Variants in VPS13D observed in about 807,000 individuals in gnomAD.
VPS13D encodes the protein vacuolar protein sorting 13 homolog D.
VPS13D carries 187 observed loss-of-function variants against 461.9 expected under a neutral mutation model. That is an observed-to-expected ratio of 0.40 (90% confidence interval 0.36 to 0.46). VPS13D has a LOEUF of 0.46. Ranked by LOEUF, VPS13D falls within the 20% of genes least tolerant of loss-of-function variation. VPS13D has a pLI of 0.60. For missense variants in VPS13D, 4,711 were observed against 5,364.9 expected, an observed-to-expected ratio of 0.88 and a Z score of 3.81; for synonymous variants, 1,951 against 1,986.3, an observed-to-expected ratio of 0.98 and a Z score of 0.47.
At chr1:12,478,625 TTTC>T in intron 67 of VPS13D, 1 of 358,138 alleles carries the variant, frequency 2.8e-6, no homozygotes, top group Admixed American at 3.6e-5. Flanking sequence ...AGCCTGCACG[TTTC>T]TTTTCTTCAA....
rs114760332 is a variant in VPS13D, at chr1:12,417,498, C to T, written c.12333+671C>T. ...TGCTTTTTTTCTCTTCCTTTCATCT[C>T]AACACACTTTTCTTGTAGAGACTGG... On this transcript the variant is annotated intron_variant, in intron 65 of 69. Coordinates refer to ENST00000620676, the MANE Select transcript of VPS13D (RefSeq NM_015378.4). Among the ~76,000 whole-genome samples, 326 of 152,286 alleles carry T rather than the reference C, an allele frequency of 2.1e-3. 3 individuals are homozygous for T. The highest frequency in any genetic ancestry group is 0.014 in the Middle Eastern group (4 of 294).
chr1:12,291,720 G>A (rs1401856122), intron 23 of VPS13D, among the ~76,000 whole-genome samples: 1 of 152,170 alleles, frequency 6.6e-6, no homozygotes, highest in African/African-American at 2.4e-5. Context: ...CGAACTTGGT[G>A]TATGTCCTGA....
chr1:12,380,738 T>G (rs1233898648), intron 57 of VPS13D, among the ~76,000 whole-genome samples: 35 of 152,218 alleles, frequency 2.3e-4, no homozygotes. Flanking sequence ...GAACTCTGAG[T>G]GTACTTAGAT....
chr1:12,290,113 A>G (rs1325691283), intron 22 of VPS13D, among the ~76,000 whole-genome samples: 1 of 152,100 alleles, frequency 6.6e-6, no homozygotes, highest in African/African-American at 2.4e-5. Context: ...CTCATTATAG[A>G]TTCACATTCT....
chr1:12,379,771 AT>A lies in VPS13D; in HGVS notation c.11190+190del, dbSNP rs368778602. 5.9e-3 allele frequency among the ~76,000 whole-genome samples: 840 copies of A among 142,368 alleles called. 2 individuals are homozygous for A. Among genetic ancestry groups the A allele is most frequent in the Middle Eastern group, 7.1e-3 (2 of 280 alleles). 93.4% of individuals were successfully genotyped at this position (142,368 alleles called of 152,430 possible). On this transcript the variant is annotated intron_variant, in intron 57 of 69. Transcript: ENST00000620676. ...TCAGAGTTTTGTTGTGCATTTGTGTATTTTTTTTTTTTTTTGAGGTGGAGTC... is the reference window on the plus strand; with the variant it reads ...TCAGAGTTTTGTTGTGCATTTGTGTATTTTTTTTTTTTTTGAGGTGGAGTC...
At chr1:12,365,529 C>A (rs1484395412) in intron 52 of VPS13D, among the ~76,000 whole-genome samples, 1 of 152,010 alleles carries the variant, frequency 6.6e-6, no homozygotes, top group African/African-American at 2.4e-5. Context: ...CATGGTGAAA[C>A]CCCATGTCTA....
intron 60 of VPS13D, among the ~76,000 whole-genome samples, chr1:12,399,077 G>A (rs759798818): frequency 6.6e-6 from 1 of 152,186 alleles, no homozygotes; most frequent in Non-Finnish European, 1.5e-5. Context: ...TTGGGATCAT[G>A]CATATGAAGT....
At chr1:12,292,805 A>G (rs1299775329) in intron 23 of VPS13D, among the ~76,000 whole-genome samples, 2 of 152,042 alleles carry the variant, frequency 1.3e-5, no homozygotes, top group Non-Finnish European at 2.9e-5. Flanking sequence ...TCAAGAAGAT[A>G]TCTGAGGGCT....
In VPS13D at chr1:12,234,341, G is replaced by C; in HGVS notation, c.75G>C (p.Gln25His). The C allele has an allele frequency of 6.2e-7, 1 of 1,613,978 alleles. No homozygotes were observed. The highest frequency in any genetic ancestry group is 8.5e-7 in the Non-Finnish European group (1 of 1,179,926). ...ATGTCAATAACCTGAACACTGACCA[G>C]CTCTCAGTTGCACTTCTCAAAGGTG... ...GKYVNNLNTDQLSVALLKGAV... is the reference protein window; with the variant it reads ...GKYVNNLNTDHLSVALLKGAV... The change falls in exon 2 of 70, where the codon CAG becomes CAC. Residue 25 changes from glutamine to histidine, a missense_variant. By Grantham distance (24) the Gln-to-His change is conservative. This residue lies in a region of VPS13D where 4,411 missense variants were observed against 4,937.8 expected (regional missense o/e 0.89). Coordinates refer to ENST00000620676, the MANE Select transcript of VPS13D (RefSeq NM_015378.4).
chr1:12,281,781 G>T (rs541872878), intron 20 of VPS13D, among the ~76,000 whole-genome samples: 1 of 152,190 alleles, frequency 6.6e-6, no homozygotes, highest in East Asian at 1.9e-4. Context: ...ATTTAATTAG[G>T]GGTTACAAAA....
At chr1:12,245,383 T>A (rs763520043) in intron 5 of VPS13D, among the ~76,000 whole-genome samples, 2 of 152,238 alleles carry the variant, frequency 1.3e-5, no homozygotes, top group Non-Finnish European at 2.9e-5. Context: ...CAAACAAATT[T>A]ATAAAATATT....
intron 5 of VPS13D, among the ~76,000 whole-genome samples, chr1:12,248,342 T>TATC (rs1640625908): frequency 1.3e-5 from 2 of 151,904 alleles, no homozygotes; most frequent in South Asian, 4.1e-4. Flanking sequence ...TTATTATTAT[T>TATC]ATTATTATTG....
intron 66 of VPS13D, among the ~76,000 whole-genome samples, chr1:12,459,962 T>C (rs1245850465): frequency 6.6e-6 from 1 of 151,154 alleles, no homozygotes; most frequent in Non-Finnish European, 1.5e-5. Context: ...TTTTTTTTTT[T>C]TTTTTTTGAA....
At chr1:12,253,526 G>A (rs1024802637) in intron 6 of VPS13D, among the ~76,000 whole-genome samples, 196 bp from the exon 7 acceptor site, 9 of 152,150 alleles carry the variant, frequency 5.9e-5, no homozygotes, top group Non-Finnish European at 1.3e-4. Context: ...TTAAAATTAT[G>A]TATTTGCCTG....
intron 3 of VPS13D, among the ~76,000 whole-genome samples, chr1:12,243,617 C>T (rs1409501599): frequency 2.4e-4 from 36 of 152,130 alleles, no homozygotes; most frequent in Admixed American, 2.4e-3. Context: ...CACTGCTTGA[C>T]TCTTATAAAT....
In VPS13D at chr1:12,323,769, T is replaced by C. The variant is rs760826113; in HGVS notation, c.7979T>C (p.Leu2660Ser). The C allele has an allele frequency of 6.2e-7, 1 of 1,614,128 alleles. No individual in the cohort carries two copies. Among genetic ancestry groups the C allele is most frequent in the South Asian group, 1.1e-5 (1 of 91,080 alleles). Residue 2660 changes from leucine to serine, a missense_variant, in exon 35 of 70, where the codon TTG becomes TCG. Leu to Ser is a moderately radical substitution (Grantham distance 145, BLOSUM62 -2). This residue lies in a region of VPS13D where 4,411 missense variants were observed against 4,937.8 expected (regional missense o/e 0.89). Transcript: ENST00000620676. ...ATGGATGATTGTCGCAAAGCTCTTT[T>C]GGCGTGTCAAGGTAATTTGAACAGG... ...FSMDDCRKAL[L>S]ACQGQLKKAA...
At chr1:12,470,257 C>A (rs1645544990) in intron 67 of VPS13D, among the ~76,000 whole-genome samples, 1 of 152,208 alleles carries the variant, frequency 6.6e-6, no homozygotes, top group Non-Finnish European at 1.5e-5. Flanking sequence ...GGCTAGAATC[C>A]ATGGTAACCT....
At position 12,401,792 on chromosome 1, in the gene VPS13D, G is replaced by A. The variant is rs1024628442; in HGVS notation, c.11881+88G>A. ...GTTTGTAAAAATAGGTAGCCCCTTG[G>A]TGTCTGATAGGCTCCCTTTCCACAT... On this transcript the variant is annotated intron_variant, in intron 62 of 69. Coordinates refer to ENST00000620676, the MANE Select transcript of VPS13D (RefSeq NM_015378.4). 1.8e-5 allele frequency: 18 copies of A among 1,010,068 alleles called. No individual in the cohort carries two copies. In the Admixed American group the frequency reaches 2.1e-4, roughly 12 times the overall value. The allele number at this position is 1,010,068 out of a possible 1,614,324, so 62.6% of individuals were successfully genotyped here. A position where few individuals can be genotyped will look rare whatever the true frequency, so the allele number is the denominator to read the frequency against.
intron 10 of VPS13D, among the ~76,000 whole-genome samples, chr1:12,259,383 T>G (rs1330975926): frequency 6.6e-6 from 1 of 151,476 alleles, no homozygotes; most frequent in Non-Finnish European, 1.5e-5. Flanking sequence ...TGGTGCAATC[T>G]TGGCTCACTG....
Sources: gnomAD v4.1 joint callset for allele counts (sites outside exome capture counted in the v4.1 genomes callset) on GRCh38, gnomAD v4.1.1 for gene constraint, gnomAD v4.1.1 regional missense constraint, MANE v1.5 for transcripts, NCBI Gene and HGNC (gene_info 2026-07-23, HGNC 2026-07-21) for gene names.